Variants in UFD1 observed in about 807,000 individuals in gnomAD.
UFD1 encodes the protein ubiquitin recognition factor in ER-associated degradation protein 1.
In UFD1, 13 loss-of-function variants were observed where a neutral mutation model predicts 45.9. The observed-to-expected ratio is 0.28, with a 90% CI of 0.18 to 0.45. UFD1 has a LOEUF of 0.45. UFD1 is among the 20% of genes least tolerant of loss of function. The pLI is 1.00. For synonymous variants in UFD1, 128 were observed against 139.2 expected (o/e 0.92, Z 0.56); for missense variants, 218 against 389.2 (o/e 0.56, Z 3.70).
At chr22:19,475,872 T>C (rs2089877715) in intron 1 of UFD1, among the ~76,000 whole-genome samples, 1 of 152,206 alleles carries the variant, frequency 6.6e-6, no homozygotes, top group Non-Finnish European at 1.5e-5. Context: ...CACAGACTCC[T>C]GCCTGGGCTA....
At chr22:19,455,359 A>C (rs2089714606) in intron 10 of UFD1, among the ~76,000 whole-genome samples, 1 of 152,222 alleles carries the variant, frequency 6.6e-6, no homozygotes, top group Admixed American at 6.5e-5. Flanking sequence ...CAGATCACCA[A>C]ATAGGGACCA....
chr22:19,468,423 T>C (rs1459262460), intron 4 of UFD1, among the ~76,000 whole-genome samples: 1 of 152,138 alleles, frequency 6.6e-6, no homozygotes, highest in Non-Finnish European at 1.5e-5. Flanking sequence ...GGCAATGGAA[T>C]GGCCCACCAC....
intron 4 of UFD1, among the ~76,000 whole-genome samples, chr22:19,468,819 A>G (rs889896459): frequency 8.5e-5 from 13 of 152,162 alleles, no homozygotes; most frequent in African/African-American, 3.1e-4. Context: ...GCCACATTAG[A>G]TGCCCTGAAG....
chr22:19,479,057 CCCG>C (rs1167283809), intron 1 of UFD1, 23 bp downstream of exon 1: 2 of 1,609,978 alleles, frequency 1.2e-6, no homozygotes, highest in African/African-American at 2.7e-5. Flanking sequence ...AGGCCCAGCC[CCCG>C]CCCGCTGCCC....
chr22:19,453,160 C>CT (rs1172364866), intron 11 of UFD1: 1 of 985,308 alleles, frequency 1.0e-6, no homozygotes, highest in Non-Finnish European at 1.2e-6. Flanking sequence ...TAATGCAGCT[C>CT]TAACTGCTTA....
intron 5 of UFD1, chr22:19,465,895 A>G (rs1394954828): frequency 6.6e-6 from 1 of 152,274 alleles, no homozygotes; most frequent in Non-Finnish European, 1.5e-5. Flanking sequence ...ATTAAAATAA[A>G]GAAACCAGCA....
intron 6 of UFD1, among the ~76,000 whole-genome samples, chr22:19,464,985 A>C (rs1053437834): frequency 1.3e-5 from 2 of 152,228 alleles, no homozygotes; most frequent in African/African-American, 4.8e-5. Context: ...TAAGTCTATC[A>C]ATGTTCCCCT....
At chr22:19,456,697 C>T in intron 8 of UFD1, 63 bp from the exon 9 acceptor site, 1 of 1,613,538 alleles carries the variant, frequency 6.2e-7, no homozygotes, top group South Asian at 1.1e-5. Context: ...CCCTCTCACC[C>T]CCACCCCCGG....
rs773969910 is a variant in UFD1, at chr22:19,471,741, A to G, written c.237T>C (p.His79=). ...CAGCCACAAACTCCAGCACGCCACA[A>G]TGCGTCATGCGGTCCGAATTCTTAT... is the stretch of plus-strand genomic sequence containing the variant. ...LTNKNSDRMT[H]CGVLEFVADE... The change falls in exon 4 of 12, where the codon CAT becomes CAC. Residue 79 remains histidine, a synonymous_variant. Coordinates refer to ENST00000263202, the MANE Select transcript of UFD1 (RefSeq NM_005659.7). The G allele has an allele frequency of 3.6e-5, 58 of 1,614,090 alleles. No individual in the cohort carries two copies. The highest frequency in any genetic ancestry group is 7.7e-5 in the South Asian group (7 of 91,076).
At chr22:19,472,390 G>A (rs1192086801) in intron 3 of UFD1, among the ~76,000 whole-genome samples, 1 of 152,196 alleles carries the variant, frequency 6.6e-6, no homozygotes, top group Non-Finnish European at 1.5e-5. Context: ...CGAGTGGTTG[G>A]GAAGGGGAGG....
chr22:19,471,551 C>A, intron 4 of UFD1, 136 bp downstream of exon 4: 1 of 1,326,370 alleles, frequency 7.5e-7, no homozygotes, highest in Non-Finnish European at 1.0e-6. Context: ...CCTTCTCTCT[C>A]GCTGGGTCGG....
In UFD1 at chr22:19,479,141, C is replaced by T. The variant is rs909892223; in HGVS notation, c.-56G>A. On this transcript the variant is annotated 5_prime_UTR_variant, in exon 1 of 12. Coordinates refer to ENST00000263202, the MANE Select transcript of UFD1 (RefSeq NM_005659.7). ...CTCAGGCAATGCAACGAAGAAACCC[C>T]GCCGACCGCTCTCCCAGCCGCCGCT... 17 of 1,599,966 alleles carry T rather than the reference C, an allele frequency of 1.1e-5. No individual in the cohort carries two copies. The highest frequency in any genetic ancestry group is 1.4e-5 in the Non-Finnish European group (16 of 1,174,450).
intron 6 of UFD1, among the ~76,000 whole-genome samples, chr22:19,458,587 G>A (rs2146291463): frequency 6.6e-6 from 1 of 152,256 alleles, no homozygotes; most frequent in East Asian, 1.9e-4. Flanking sequence ...GGGACTATAG[G>A]CATGTGCCAC....
At chr22:19,450,890 CTT>C in intron 11 of UFD1, 146 bp from the exon 12 acceptor site, 1 of 1,483,930 alleles carries the variant, frequency 6.7e-7, no homozygotes, top group Non-Finnish European at 9.0e-7. Context: ...AATCCCAGCA[CTT>C]TAGGAGGCCT....
intron 1 of UFD1, among the ~76,000 whole-genome samples, chr22:19,477,568 T>C (rs1013360518): frequency 1.3e-5 from 2 of 152,142 alleles, no homozygotes; most frequent in African/African-American, 4.8e-5. Context: ...TTAATGTGAG[T>C]AGAGTTTCAC....
intron 4 of UFD1, among the ~76,000 whole-genome samples, chr22:19,468,477 A>G (rs978885095): frequency 6.6e-6 from 1 of 152,194 alleles, no homozygotes; most frequent in Admixed American, 6.5e-5. Flanking sequence ...GGTCTCTGCT[A>G]AGGAGGTTAT....
chr22:19,463,794 TAG>T lies in UFD1; in HGVS notation c.495+1406_495+1407del, dbSNP rs554477795. On this transcript the variant is annotated intron_variant, in intron 6 of 11. Transcript: ENST00000263202. ...CAGTACATTAATCAGAAGGGCCCAT[TAG>T]AGGATCTAGTTTTCCCTACTTCTAA... 4.6e-3 allele frequency among the ~76,000 whole-genome samples: 704 copies of T among 152,292 alleles called. 5 individuals carry two copies. The highest frequency in any genetic ancestry group is 0.016 in the African/African-American group (671 of 41,548).
At chr22:19,456,536 T>C in intron 9 of UFD1, 51 bp downstream of exon 9, 2 of 1,612,032 alleles carry the variant, frequency 1.2e-6, no homozygotes, top group Non-Finnish European at 1.7e-6. Flanking sequence ...AGTGCTCTAA[T>C]TTCAAGGAGC....
chr22:19,471,073 G>T (rs2089841441), intron 4 of UFD1: 1 of 427,298 alleles, frequency 2.3e-6, no homozygotes, highest in African/African-American at 2.0e-5. Flanking sequence ...ACTGCTGCAG[G>T]CTCCTCCCTA....
Sources: allele counts gnomAD v4.1 joint callset (sites outside exome capture counted in the v4.1 genomes callset), GRCh38; gene constraint gnomAD v4.1.1; transcripts MANE v1.5; gene names NCBI Gene and HGNC (gene_info 2026-07-23, HGNC 2026-07-21).